PSPC1: variants seen among roughly 807,000 people sequenced by gnomAD.
The protein encoded by PSPC1 is paraspeckle protein 1.
Under a neutral mutation model 51.6 loss-of-function variants are expected in PSPC1, and 14 were observed. The observed-to-expected ratio is 0.27, with a 90% CI of 0.18 to 0.42. The LOEUF (loss-of-function observed/expected upper bound fraction) is 0.42. Ranked by LOEUF, PSPC1 falls within the 10% of genes least tolerant of loss-of-function variation. The pLI is 1.00. For synonymous variants in PSPC1, 193 were observed against 231.9 expected, an observed-to-expected ratio of 0.83 and a Z score of 1.53; for missense variants, 406 against 701.1, an observed-to-expected ratio of 0.58 and a Z score of 4.75.
chr13:19,753,321 A>T (rs1312527762), intron 3 of PSPC1, among the ~76,000 whole-genome samples: 1 of 149,950 alleles, frequency 6.7e-6, no homozygotes, highest in Non-Finnish European at 1.5e-5. Flanking sequence ...TTGCCAAATC[A>T]ACCTCCCAGG....
intron 5 of PSPC1, among the ~76,000 whole-genome samples, chr13:19,733,538 A>T (rs1189519809): frequency 1.3e-5 from 2 of 152,058 alleles, no homozygotes; most frequent in African/African-American, 4.8e-5. Flanking sequence ...AGACGGGCAG[A>T]TCACTTGAGG....
intron 6 of PSPC1, among the ~76,000 whole-genome samples, chr13:19,728,664 T>C (rs1309052205): frequency 6.6e-6 from 1 of 152,146 alleles, no homozygotes; most frequent in Non-Finnish European, 1.5e-5. Flanking sequence ...GTGCTTAAGT[T>C]TGCAGTAGTA....
intron 6 of PSPC1, among the ~76,000 whole-genome samples, chr13:19,722,850 C>CTGTAA (rs1283428093): frequency 1.3e-5 from 2 of 152,066 alleles, no homozygotes; most frequent in African/African-American, 4.8e-5. Flanking sequence ...TGACTCATGC[C>CTGTAA]TGTAATCCCA....
In PSPC1 at chr13:19,694,170, T is replaced by TAC. The variant is rs767420495; in HGVS notation, c.1159-16349_1159-16348dup. Among the ~76,000 whole-genome samples the TAC allele has an allele frequency of 6.0e-3, 730 of 120,892 alleles. 5 individuals are homozygous for TAC. The highest frequency in any genetic ancestry group is 8.9e-3 in the Non-Finnish European group (531 of 59,558). The allele number at this position is 120,892 out of a possible 152,430, so 79.3% of individuals were successfully genotyped here. A position where few individuals can be genotyped will look rare whatever the true frequency, so the allele number is the denominator to read the frequency against. On this transcript the variant is annotated intron_variant and NMD_transcript_variant, in intron 6 of 7. Transcript: ENST00000471658. ...AAAAAACCATATATATATATATACATACACACATACACACACACACACACT... is the reference window on the plus strand; with the variant it reads ...AAAAAACCATATATATATATATACATACACACACATACACACACACACACACT...
intron 7 of PSPC1, among the ~76,000 whole-genome samples, chr13:19,708,304 T>C (rs1880957348): frequency 6.6e-6 from 1 of 152,240 alleles, no homozygotes; most frequent in Admixed American, 6.5e-5. Context: ...GTGTGCATGT[T>C]AAGTACATTG....
chr13:19,768,053 A>G (rs899238741), intron 2 of PSPC1, among the ~76,000 whole-genome samples: 2 of 151,668 alleles, frequency 1.3e-5, no homozygotes, highest in Admixed American at 6.6e-5. Flanking sequence ...CCTCATATCT[A>G]CTTTAAAAAA....
intron 6 of PSPC1, among the ~76,000 whole-genome samples, chr13:19,680,084 G>A (rs532625083): frequency 2.6e-5 from 4 of 152,164 alleles, no homozygotes; most frequent in African/African-American, 4.8e-5. Context: ...GGGTGTTCTC[G>A]ACTCACTGCA....
chr13:19,715,021 A>G (rs1244398534), intron 6 of PSPC1, among the ~76,000 whole-genome samples: 1 of 152,208 alleles, frequency 6.6e-6, no homozygotes, highest in Non-Finnish European at 1.5e-5. Flanking sequence ...AATTTACAAA[A>G]CATAAAACAA....
intron 1 of PSPC1, among the ~76,000 whole-genome samples, chr13:19,779,350 C>T (rs1321596228): frequency 3.6e-5 from 4 of 112,130 alleles, no homozygotes; most frequent in Admixed American, 8.5e-5. Context: ...CCCCCCCGCC[C>T]GGCCAGCCGT....
At chr13:19,693,831 T>C (rs1383168225) in intron 6 of PSPC1, among the ~76,000 whole-genome samples, 3 of 152,006 alleles carry the variant, frequency 2.0e-5, no homozygotes, top group African/African-American at 7.2e-5. Flanking sequence ...TATGAATATA[T>C]ACTTAAACTT....
chr13:19,692,541 A>G (rs940066971), intron 6 of PSPC1, among the ~76,000 whole-genome samples: 1 of 152,188 alleles, frequency 6.6e-6, no homozygotes, highest in South Asian at 2.1e-4. Flanking sequence ...GTGAGATAAT[A>G]TATTTACCAG....
intron 2 of PSPC1, among the ~76,000 whole-genome samples, chr13:19,762,547 G>A (rs768440122): frequency 7.1e-5 from 10 of 141,804 alleles, no homozygotes; most frequent in African/African-American, 1.2e-4. Flanking sequence ...ATGATACAAC[G>A]AGACTCCGTC....
intron 4 of PSPC1, among the ~76,000 whole-genome samples, chr13:19,745,080 G>A (rs1244402672): frequency 6.6e-6 from 1 of 152,168 alleles, no homozygotes; most frequent in Non-Finnish European, 1.5e-5. Flanking sequence ...CACTTTGGGA[G>A]GCTGAGGCGG....
chr13:19,711,844 C>CAAA (rs1469656993), intron 6 of PSPC1, among the ~76,000 whole-genome samples: 1 of 127,336 alleles, frequency 7.9e-6, no homozygotes, highest in African/African-American at 2.9e-5. Flanking sequence ...AACTCTGTCT[C>CAAA]AAAAAAAAAA....
intron 6 of PSPC1, among the ~76,000 whole-genome samples, chr13:19,685,557 T>C (rs116696829): frequency 0.01 from 1,552 of 152,264 alleles, 28 homozygotes; most frequent in African/African-American, 0.036. Flanking sequence ...GATTGTGTAT[T>C]AGGTAAGAAT....
chr13:19,758,791 C>T (rs1477278720), intron 3 of PSPC1, among the ~76,000 whole-genome samples: 5 of 150,542 alleles, frequency 3.3e-5, no homozygotes, highest in African/African-American at 7.3e-5. Context: ...GCCGAGTTCA[C>T]GCCACTGCAC....
At chr13:19,738,378 T>C (rs1322808592) in intron 5 of PSPC1, among the ~76,000 whole-genome samples, 1 of 152,118 alleles carries the variant, frequency 6.6e-6, no homozygotes, top group East Asian at 1.9e-4. Context: ...GATGCTCAAC[T>C]CCCTGACATA....
chr13:19,714,292 CTT>C (rs1407530836), intron 6 of PSPC1, among the ~76,000 whole-genome samples: 1 of 152,090 alleles, frequency 6.6e-6, no homozygotes, highest in Non-Finnish European at 1.5e-5. Flanking sequence ...TAATTATTGG[CTT>C]GAGTATTTGG....
At chr13:19,760,561 G>A (rs1359106827) in intron 2 of PSPC1, among the ~76,000 whole-genome samples, 2 of 151,424 alleles carry the variant, frequency 1.3e-5, no homozygotes, top group Non-Finnish European at 2.9e-5. Context: ...CTGAAAATCC[G>A]ACCTAAAACA....
Sources: allele counts gnomAD v4.1 joint callset (sites outside exome capture counted in the v4.1 genomes callset), GRCh38; gene constraint gnomAD v4.1.1; transcripts MANE v1.5; gene names NCBI Gene and HGNC (gene_info 2026-07-23, HGNC 2026-07-21).